TRA2B: variants seen among roughly 807,000 people sequenced by gnomAD.
TRA2B encodes transformer 2 beta homolog.
In TRA2B, 14 loss-of-function variants were observed where a neutral mutation model predicts 41.7. The ratio of observed to expected loss-of-function variants is 0.34; its 90% CI spans 0.22 to 0.53. TRA2B has a LOEUF of 0.53. Among genes scored for constraint, TRA2B ranks in the 20% least tolerant of loss-of-function variants. The probability of loss-of-function intolerance (pLI) is 0.95; values close to 1 mark genes in which losing one functional copy is unlikely to be tolerated. For missense variants in TRA2B, 167 were observed against 396.8 expected (o/e 0.42, Z 4.92); for synonymous variants, 130 against 128.8 (o/e 1.01, Z -0.06).
intron 5 of TRA2B, 93 bp from the exon 6 acceptor site, chr3:185,921,280 G>T (rs1209458454): frequency 1.9e-6 from 2 of 1,040,094 alleles, no homozygotes; most frequent in Admixed American, 3.7e-5. Context: ...ACATTAACTG[G>T]AAAATGAAAA....
Position 185,929,669 on chromosome 3 carries a change from C to T in TRA2B, c.37-2935G>A, listed in dbSNP as rs554819534. Among the ~76,000 whole-genome samples, 203 of 152,274 alleles carry T rather than the reference C, an allele frequency of 1.3e-3. 1 individual carries two copies. Among genetic ancestry groups the T allele is most frequent in the Admixed American group, 4.1e-3 (62 of 15,276 alleles). ...CATCTCCCTATTCTGAGAACAGCAACCACCTTACAAAAACATATTTGAAAG... is the reference window on the plus strand; with the variant it reads ...CATCTCCCTATTCTGAGAACAGCAATCACCTTACAAAAACATATTTGAAAG... On this transcript the variant is annotated intron_variant, in intron 1 of 8. Transcript: ENST00000453386.
At chr3:185,937,328 CA>C in intron 1 of TRA2B, 3 of 989,544 alleles carry the variant, frequency 3.0e-6, no homozygotes, top group Non-Finnish European at 2.4e-6. Flanking sequence ...CCCAAAGACC[CA>C]AAAGAACGTC....
In TRA2B at chr3:185,917,674, A is replaced by G. The variant is rs751832963; in HGVS notation, c.*41T>C. 1.2e-6 allele frequency: 2 copies of G among 1,608,350 alleles called. No homozygotes were observed. Among genetic ancestry groups the G allele is most frequent in the Non-Finnish European group, 1.7e-6 (2 of 1,176,286 alleles). On this transcript the variant is annotated 3_prime_UTR_variant, in exon 9 of 9. Transcript: ENST00000453386. Reference sequence around the variant, plus strand: ...CAATAAAAAATATTGCCCACAAACAATATCCCAGCTCTAGGGCAGGTTTCA... The same window carrying G: ...CAATAAAAAATATTGCCCACAAACAGTATCCCAGCTCTAGGGCAGGTTTCA...
intron 1 of TRA2B, chr3:185,928,038 G>C (rs1178311923): frequency 6.6e-6 from 1 of 152,182 alleles, no homozygotes; most frequent in Non-Finnish European, 1.5e-5. Flanking sequence ...AATCACAAGA[G>C]ATTTCCTTGT....
rs187734332 is a variant in TRA2B, at chr3:185,918,890, C to T, written c.783-452G>A. Among the ~76,000 whole-genome samples, 583 of 152,052 alleles carry T rather than the reference C, an allele frequency of 3.8e-3. 4 individuals are homozygous for T. The highest frequency in any genetic ancestry group is 0.013 in the African/African-American group (556 of 41,456). The stretch of plus-strand genomic sequence containing the variant: ...GTGCGGTGGTGCATGCTTGTAATCC[C>T]AGCTACTCGGGATGCAGAGACTGCA... On this transcript the variant is annotated intron_variant, in intron 7 of 8. Transcript: ENST00000453386.
intron 1 of TRA2B, among the ~76,000 whole-genome samples, chr3:185,933,614 T>C (rs537831888): frequency 2.0e-5 from 3 of 152,156 alleles, no homozygotes; most frequent in Non-Finnish European, 4.4e-5. Flanking sequence ...AATCCTGTTA[T>C]GGAAAGGTCA....
chr3:185,926,449 T>C (rs1560011520), intron 2 of TRA2B, 152 bp downstream of exon 2: 1 of 1,015,212 alleles, frequency 9.9e-7, no homozygotes, highest in Non-Finnish European at 1.4e-6. Context: ...TAACCGCTTT[T>C]AGTCTTGCCT....
intron 1 of TRA2B, chr3:185,935,539 G>A (rs1056526053): frequency 3.0e-6 from 3 of 985,316 alleles, no homozygotes; most frequent in Non-Finnish European, 1.2e-6. Flanking sequence ...GCACAGAGGG[G>A]TGGGGTTGTC....
chr3:185,926,065 T>C (rs1292170150), intron 2 of TRA2B, among the ~76,000 whole-genome samples: 1 of 152,138 alleles, frequency 6.6e-6, no homozygotes, highest in African/African-American at 2.4e-5. Context: ...AGAGTGACTC[T>C]AAATTGTCAT....
chr3:185,921,229 T>C (rs1172780206), intron 5 of TRA2B, 42 bp from the exon 6 acceptor site: 1 of 1,573,398 alleles, frequency 6.4e-7, no homozygotes, highest in Non-Finnish European at 8.7e-7. Context: ...CTTATCTTTC[T>C]GGACATGAGT....
At chr3:185,931,080 T>C (rs1023388694) in intron 1 of TRA2B, among the ~76,000 whole-genome samples, 1 of 152,196 alleles carries the variant, frequency 6.6e-6, no homozygotes, top group Non-Finnish European at 1.5e-5. Context: ...AACACACTAA[T>C]GCCAAAGGGA....
chr3:185,921,267 G>C, intron 5 of TRA2B, 80 bp from the exon 6 acceptor site: 1 of 1,186,064 alleles, frequency 8.4e-7, no homozygotes, highest in Non-Finnish European at 1.3e-6. Context: ...GGCCTTTTCT[G>C]ACACATTAAC....
At position 185,937,962 on chromosome 3, in the gene TRA2B, G is replaced by GTCGCCCAGCCGC; in HGVS notation, c.-114_-103dup. The GTCGCCCAGCCGC allele has an allele frequency of 1.4e-6, 2 of 1,448,536 alleles. No homozygotes were observed. The highest frequency in any genetic ancestry group is 2.3e-5 in the South Asian group (2 of 85,662). 89.7% of individuals were successfully genotyped at this position (1,448,536 alleles called of 1,614,324 possible). A position where few individuals can be genotyped will look rare whatever the true frequency, so the allele number is the denominator to read the frequency against. ...CGCCGCAGCCCCGCACGACGCGCCG[G>GTCGCCCAGCCGC]TCGCCCAGCCGCTCAGAGCCGAAAT... On this transcript the variant is annotated 5_prime_UTR_variant, in exon 1 of 9. Coordinates refer to ENST00000453386, the MANE Select transcript of TRA2B (RefSeq NM_004593.3).
intron 1 of TRA2B, among the ~76,000 whole-genome samples, chr3:185,932,152 ACTT>A (rs777342413): frequency 4.8e-4 from 73 of 152,276 alleles, no homozygotes; most frequent in South Asian, 6.2e-4. Context: ...TACATTTCAC[ACTT>A]CTTATTATAT....
At chr3:185,926,119 T>C (rs1253610196) in intron 2 of TRA2B, among the ~76,000 whole-genome samples, 1 of 151,962 alleles carries the variant, frequency 6.6e-6, no homozygotes, top group African/African-American at 2.4e-5. Context: ...CTGTTAATTA[T>C]GCCTGACCAC....
intron 3 of TRA2B, chr3:185,924,497 T>TA (rs1743867480): frequency 6.5e-6 from 1 of 152,812 alleles, no homozygotes; most frequent in Non-Finnish European, 1.5e-5. Flanking sequence ...TTACAGGTCA[T>TA]AAACAGCTTG....
At chr3:185,936,417 A>G (rs1675652883) in intron 1 of TRA2B, 1 of 985,292 alleles carries the variant, frequency 1.0e-6, no homozygotes, top group Non-Finnish European at 1.2e-6. Context: ...AAAACATCAA[A>G]AACTAAAAAC....
intron 1 of TRA2B, chr3:185,935,482 G>A (rs1275164312): frequency 1.3e-5 from 13 of 985,312 alleles, no homozygotes; most frequent in Non-Finnish European, 1.4e-5. Context: ...CAACCTTAAA[G>A]GGGAGGGACA....
chr3:185,923,030 C>T (rs1743799997), intron 4 of TRA2B: 1 of 152,250 alleles, frequency 6.6e-6, no homozygotes, highest in Non-Finnish European at 1.5e-5. Flanking sequence ...CTGTAATCCC[C>T]CAGCACTTTG....
Sources: allele counts gnomAD v4.1 joint callset (sites outside exome capture counted in the v4.1 genomes callset), GRCh38; gene constraint gnomAD v4.1.1; transcripts MANE v1.5; gene names NCBI Gene and HGNC (gene_info 2026-07-23, HGNC 2026-07-21).